KPNA1: variants seen among roughly 807,000 people sequenced by gnomAD.
KPNA1 encodes karyopherin subunit alpha 1, also known as importin subunit alpha-5.
Under a neutral mutation model 70.5 loss-of-function variants are expected in KPNA1, and 10 were observed. The observed-to-expected ratio is 0.14, with a 90% CI of 0.09 to 0.24. The LOEUF is 0.24. KPNA1 is among the 10% of genes least tolerant of loss of function. The pLI is 1.00. For missense variants in KPNA1, 397 were observed against 637.9 expected, an observed-to-expected ratio of 0.62 and a Z score of 4.07; for synonymous variants, 192 against 221.9, an observed-to-expected ratio of 0.87 and a Z score of 1.20.
chr3:122,452,382 G>A (rs1454861621), intron 6 of KPNA1, among the ~76,000 whole-genome samples: 4 of 151,302 alleles, frequency 2.6e-5, no homozygotes, highest in Admixed American at 6.6e-5. Context: ...GGTGGCAGGC[G>A]CCTGTAATCC....
intron 1 of KPNA1, among the ~76,000 whole-genome samples, chr3:122,510,831 T>C (rs191627279): frequency 6.6e-6 from 1 of 152,202 alleles, no homozygotes; most frequent in Admixed American, 6.5e-5. Flanking sequence ...GCTTTTCAGG[T>C]ATTCTAATTC....
intron 2 of KPNA1, among the ~76,000 whole-genome samples, chr3:122,489,745 A>T (rs1265237053): frequency 6.6e-6 from 1 of 152,164 alleles, no homozygotes; most frequent in East Asian, 1.9e-4. Flanking sequence ...TGTATACGTC[A>T]CAATCTTTGG....
intron 1 of KPNA1, among the ~76,000 whole-genome samples, chr3:122,501,888 T>C (rs1024498026): frequency 6.6e-6 from 1 of 152,214 alleles, no homozygotes; most frequent in Non-Finnish European, 1.5e-5. Flanking sequence ...ATTTACTGCA[T>C]ATATCCTAGG....
chr3:122,506,279 T>C (rs2076889200), intron 1 of KPNA1, among the ~76,000 whole-genome samples: 1 of 152,214 alleles, frequency 6.6e-6, no homozygotes, highest in Non-Finnish European at 1.5e-5. Context: ...GGCATAATTT[T>C]ATTAGAAAGT....
intron 2 of KPNA1, among the ~76,000 whole-genome samples, chr3:122,474,615 C>T (rs560948493): frequency 4.6e-5 from 7 of 152,048 alleles, no homozygotes; most frequent in South Asian, 2.1e-4. Flanking sequence ...TGGAGTTCAA[C>T]GAAACACTAA....
chr3:122,488,692 G>A (rs1014649614), intron 2 of KPNA1, among the ~76,000 whole-genome samples: 6 of 152,300 alleles, frequency 3.9e-5, no homozygotes, highest in Admixed American at 3.9e-4. Flanking sequence ...TTCCTTAAAC[G>A]ATTCTCCACT....
chr3:122,484,942 G>C (rs1480546128), intron 2 of KPNA1, among the ~76,000 whole-genome samples: 2 of 152,132 alleles, frequency 1.3e-5, no homozygotes, highest in African/African-American at 2.4e-5. Context: ...TTGACGCCCA[G>C]GCTGGAGTGC....
At chr3:122,472,234 C>T (rs1411283033) in intron 2 of KPNA1, among the ~76,000 whole-genome samples, 2 of 151,970 alleles carry the variant, frequency 1.3e-5, no homozygotes, top group African/African-American at 4.8e-5. Flanking sequence ...TATAAAATGC[C>T]TCCTCTCAGG....
intron 2 of KPNA1, among the ~76,000 whole-genome samples, chr3:122,475,885 T>C (rs1192611946): frequency 6.6e-6 from 1 of 152,140 alleles, no homozygotes; most frequent in African/African-American, 2.4e-5. Context: ...TGGATCATCA[T>C]AAGGGCCTTC....
In KPNA1 at chr3:122,433,659, A is replaced by C. The variant is rs2075944760; in HGVS notation, c.1250+2T>G. On this transcript the variant is annotated splice_donor_variant, in intron 12 of 13. Coordinates refer to ENST00000344337, the MANE Select transcript of KPNA1 (RefSeq NM_002264.4). LOFTEE classifies it high-confidence loss of function. ...ACAATATGCTGCCTGATTGGTACTTACTTGATCTGTTCAGCTGATCCTCCA... is the reference window on the plus strand; with the variant it reads ...ACAATATGCTGCCTGATTGGTACTTCCTTGATCTGTTCAGCTGATCCTCCA... 1 of 1,598,380 alleles carries C rather than the reference A, an allele frequency of 6.3e-7. No homozygotes were observed. The highest frequency in any genetic ancestry group is 1.8e-5 in the Admixed American group (1 of 54,974).
At chr3:122,503,256 C>T (rs181489380) in intron 1 of KPNA1, among the ~76,000 whole-genome samples, 3 of 149,890 alleles carry the variant, frequency 2.0e-5, no homozygotes, top group South Asian at 4.2e-4. Flanking sequence ...AGCATGCATA[C>T]ATATATATAT....
intron 2 of KPNA1, among the ~76,000 whole-genome samples, chr3:122,479,159 T>C (rs976947493): frequency 6.6e-6 from 1 of 151,850 alleles, no homozygotes; most frequent in African/African-American, 2.4e-5. Context: ...CCAAAATATA[T>C]AAAAAACTTA....
chr3:122,457,393 GGA>G (rs200369364), intron 5 of KPNA1, among the ~76,000 whole-genome samples: 17,435 of 101,320 alleles, frequency 0.17, 1,231 homozygotes, highest in Middle Eastern at 0.32. Context: ...CATTAACCTG[GGA>G]AAAAAAAAAA....
At chr3:122,513,592 C>T (rs1312660236) in intron 1 of KPNA1, among the ~76,000 whole-genome samples, 1 of 151,748 alleles carries the variant, frequency 6.6e-6, no homozygotes, top group Non-Finnish European at 1.5e-5. Flanking sequence ...TGCCTTGAGG[C>T]CAGGAGTTCC....
chr3:122,423,304 G>T lies in KPNA1; in HGVS notation c.*3681C>A, dbSNP rs1032558828. ...CAGAGAGAAATGGTCATATTGAGAT[G>T]GATAAAAATTCAGATTTGAGACTTC... is the stretch of plus-strand genomic sequence containing the variant. On this transcript the variant is annotated 3_prime_UTR_variant, in exon 14 of 14. Transcript: ENST00000344337. 3 of 152,098 alleles carry T rather than the reference G, an allele frequency of 2.0e-5. No individual in the cohort carries two copies. The highest frequency in any genetic ancestry group is 2.9e-5 in the Non-Finnish European group (2 of 68,006). The allele number at this position is 152,098 out of a possible 1,614,324, so 9.4% of individuals were successfully genotyped here. A position where few individuals can be genotyped will look rare whatever the true frequency, so the allele number is the denominator to read the frequency against.
rs2075946335 is a variant in KPNA1, at chr3:122,433,743, G to C, written c.1168C>G (p.Gln390Glu). Residue 390 changes from glutamine to glutamate, a missense_variant, in exon 12 of 14, where the codon CAA becomes GAA. Coordinates refer to ENST00000344337, the MANE Select transcript of KPNA1 (RefSeq NM_002264.4). ...NIFPALISILQTAEFRTRKEA... is the reference protein window; with the variant it reads ...NIFPALISILETAEFRTRKEA... ...TTTCTTGTCCGAAATTCAGCAGTTT[G>C]TAAAATACTAATGAGGGCTGGGAAA... The C allele has an allele frequency of 6.2e-7, 1 of 1,612,988 alleles. No individual in the cohort carries two copies. The highest frequency in any genetic ancestry group is 8.5e-7 in the Non-Finnish European group (1 of 1,179,440).
intron 3 of KPNA1, among the ~76,000 whole-genome samples, chr3:122,467,120 G>C (rs2076389831): frequency 6.6e-6 from 1 of 151,896 alleles, no homozygotes; most frequent in Admixed American, 6.6e-5. Flanking sequence ...TAAGTTTTTA[G>C]AGCAGAATTA....
intron 3 of KPNA1, among the ~76,000 whole-genome samples, chr3:122,464,670 A>C (rs1276165928): frequency 6.6e-6 from 1 of 152,226 alleles, no homozygotes; most frequent in Non-Finnish European, 1.5e-5. Flanking sequence ...TGTTTTATTA[A>C]AACTTTCCAG....
Position 122,465,326 on chromosome 3 carries a change from T to C in KPNA1, c.238-1285A>G, listed in dbSNP as rs114825551. 6.3e-3 allele frequency among the ~76,000 whole-genome samples: 955 copies of C among 152,326 alleles called. 10 individuals are homozygous for C. The highest frequency in any genetic ancestry group is 0.022 in the African/African-American group (899 of 41,574). On this transcript the variant is annotated intron_variant, in intron 3 of 13. Coordinates refer to ENST00000344337, the MANE Select transcript of KPNA1 (RefSeq NM_002264.4). ...AATACACCTAACCTACCAAACTTCA[T>C]TGCCTAGCCTAGCCTACCTTAAACA...
Sources: allele counts gnomAD v4.1 joint callset (sites outside exome capture counted in the v4.1 genomes callset), GRCh38; gene constraint gnomAD v4.1.1; transcripts MANE v1.5; gene names NCBI Gene and HGNC (gene_info 2026-07-23, HGNC 2026-07-21).